Variants in KIF13B observed in about 807,000 individuals in gnomAD.
KIF13B encodes the protein kinesin family member 13B, also known as kinesin-like protein KIF13B.
In KIF13B, 127 loss-of-function variants were observed where a neutral mutation model predicts 222.0. That is an observed-to-expected ratio of 0.57 (90% CI 0.50 to 0.66). KIF13B has a LOEUF of 0.66. KIF13B is among the 30% of genes least tolerant of loss of function. The pLI, the probability that KIF13B is intolerant of heterozygous loss-of-function variation, is 0.00. For synonymous variants in KIF13B, 976 were observed against 919.0 expected (o/e 1.06, Z -1.12); for missense variants, 2,173 against 2,379.0 (o/e 0.91, Z 1.80).
At chr8:29,232,750 CAT>C (rs1334905830) in intron 2 of KIF13B, among the ~76,000 whole-genome samples, 4 of 152,186 alleles carry the variant, frequency 2.6e-5, no homozygotes, top group African/African-American at 9.7e-5. Context: ...CAGGATCCAT[CAT>C]AGATACTTGT....
Position 29,165,651 on chromosome 8 carries a change from G to A in KIF13B, c.1269+11C>T. ...GAGGTTTCATGCGCTTCATCATCAG[G>A]AAACACGAACCTGTGCAATCTCCTC... On this transcript the variant is annotated intron_variant, in intron 12 of 39. Coordinates refer to ENST00000524189, the MANE Select transcript of KIF13B (RefSeq NM_015254.4). 6.4e-7 allele frequency: 1 copy of A among 1,566,588 alleles called. No homozygotes were observed. Among genetic ancestry groups the A allele is most frequent in the South Asian group, 1.1e-5 (1 of 89,974 alleles).
At chr8:29,108,438 C>T (rs918299068) in intron 34 of KIF13B, among the ~76,000 whole-genome samples, 8 of 152,326 alleles carry the variant, frequency 5.3e-5, no homozygotes, top group South Asian at 4.1e-4. Flanking sequence ...GAGGTCACAA[C>T]CGGCTGGACC....
chr8:29,140,841 T>C, intron 19 of KIF13B: 1 of 457,294 alleles, frequency 2.2e-6, no homozygotes, highest in South Asian at 4.2e-5. Context: ...GTGAGCATCC[T>C]CCACCCATGA....
intron 10 of KIF13B, among the ~76,000 whole-genome samples, chr8:29,170,905 C>G (rs1316299056): frequency 6.6e-6 from 1 of 152,002 alleles, no homozygotes; most frequent in East Asian, 1.9e-4. Context: ...TAGTGAGACC[C>G]TGTTTATACA....
In KIF13B at chr8:29,170,648, G is replaced by A. The variant is rs114887086; in HGVS notation, c.946-3063C>T. Among the ~76,000 whole-genome samples the A allele has an allele frequency of 8.0e-3, 1,222 of 152,302 alleles. 7 individuals are homozygous for A. The highest frequency in any genetic ancestry group is 0.013 in the African/African-American group (561 of 41,558). ...GGAAAGCATGTTCCAAGTGGAACAA[G>A]AGTAAAGTCCTAGAGGCAAGACAAC... On this transcript the variant is annotated intron_variant, in intron 10 of 39. Coordinates refer to ENST00000524189, the MANE Select transcript of KIF13B (RefSeq NM_015254.4).
At chr8:29,243,892 T>C (rs1285325157) in intron 2 of KIF13B, among the ~76,000 whole-genome samples, 1 of 152,222 alleles carries the variant, frequency 6.6e-6, no homozygotes, top group African/African-American at 2.4e-5. Flanking sequence ...CTAATTTATT[T>C]GATCTTTGTG....
chr8:29,152,288 G>C (rs1341970783), intron 14 of KIF13B, among the ~76,000 whole-genome samples: 1 of 152,182 alleles, frequency 6.6e-6, no homozygotes, highest in East Asian at 1.9e-4. Flanking sequence ...AGAGGGTTTA[G>C]AATATTCCAG....
chr8:29,143,791 C>T (rs556504275), intron 18 of KIF13B, among the ~76,000 whole-genome samples: 3 of 151,824 alleles, frequency 2.0e-5, no homozygotes, highest in Admixed American at 6.6e-5. Flanking sequence ...TGCAGTGAGC[C>T]GAGATCGCGC....
In KIF13B at chr8:29,142,164, T is replaced by C. The variant is rs779885612; in HGVS notation, c.2327A>G (p.Asp776Gly). 6.2e-7 allele frequency: 1 copy of C among 1,612,944 alleles called. No individual in the cohort carries two copies. The highest frequency in any genetic ancestry group is 1.1e-5 in the South Asian group (1 of 91,020). ...TTCTCTTAAATAACTTACTGGGTTA[T>C]CTTCTTCACACTCTTTCCACTCCTG... ...LYQEWKECEE[D>G]NPVIRSYFKR... The change falls in exon 19 of 40, where the codon GAT (aspartate) becomes GGT (glycine). Residue 776 changes from aspartate to glycine, a missense_variant. Asp to Gly is a moderately conservative substitution (Grantham distance 94, BLOSUM62 -1). Around this residue, in one of 2 missense-constraint regions of KIF13B, gnomAD observed 1,480 missense variants for 1,722.8 expected, o/e 0.86. Coordinates refer to ENST00000524189, the MANE Select transcript of KIF13B (RefSeq NM_015254.4).
intron 2 of KIF13B, among the ~76,000 whole-genome samples, chr8:29,230,952 T>C (rs1028675263): frequency 2.6e-5 from 4 of 152,174 alleles, no homozygotes; most frequent in African/African-American, 9.7e-5. Context: ...CCATCACGGC[T>C]CACTGCAGCC....
intron 1 of KIF13B, 56 bp downstream of exon 1, chr8:29,262,924 G>A: frequency 2.8e-6 from 4 of 1,446,120 alleles, no homozygotes; most frequent in Non-Finnish European, 3.7e-6. Flanking sequence ...CGAGGGAAGG[G>A]CGCGCCAGGC....
At chr8:29,249,108 G>A (rs1816167185) in intron 1 of KIF13B, among the ~76,000 whole-genome samples, 1 of 152,078 alleles carries the variant, frequency 6.6e-6, no homozygotes, top group South Asian at 2.1e-4. Flanking sequence ...GTATGAAACT[G>A]TTTGTTTCCC....
At chr8:29,087,745 G>A (rs1022290418) in intron 37 of KIF13B, among the ~76,000 whole-genome samples, 2 of 152,124 alleles carry the variant, frequency 1.3e-5, no homozygotes, top group South Asian at 2.1e-4. Context: ...GCACCCTGGC[G>A]AGACAACTGT....
chr8:29,078,584 A>G (rs955780205), intron 37 of KIF13B, among the ~76,000 whole-genome samples: 3 of 152,242 alleles, frequency 2.0e-5, no homozygotes, highest in Non-Finnish European at 4.4e-5. Flanking sequence ...AAAACATTTC[A>G]GATCATAAGT....
intron 2 of KIF13B, among the ~76,000 whole-genome samples, chr8:29,221,071 A>AAGCTG (rs1471385222): frequency 6.7e-6 from 1 of 149,532 alleles, no homozygotes; most frequent in Non-Finnish European, 1.5e-5. Context: ...GAGCCCAGGG[A>AAGCTG]AGCTGAGGCT....
chr8:29,231,269 C>T (rs1408652517), intron 2 of KIF13B, among the ~76,000 whole-genome samples: 8 of 152,206 alleles, frequency 5.3e-5, no homozygotes, highest in Non-Finnish European at 1.0e-4. Context: ...CATACGGGTT[C>T]GGCCTGATAA....
intron 1 of KIF13B, among the ~76,000 whole-genome samples, chr8:29,260,623 T>C (rs1296954251): frequency 1.4e-5 from 2 of 147,956 alleles, no homozygotes; most frequent in Non-Finnish European, 3.0e-5. Context: ...GTTTTAGTCT[T>C]TTTTTTTTTT....
intron 38 of KIF13B, among the ~76,000 whole-genome samples, chr8:29,072,690 C>T (rs1263252346): frequency 2.0e-5 from 3 of 152,170 alleles, no homozygotes; most frequent in Non-Finnish European, 2.9e-5. Flanking sequence ...GAGCACTGAC[C>T]ATGGCCACAG....
At chr8:29,192,781 C>A (rs536026204) in intron 3 of KIF13B, among the ~76,000 whole-genome samples, 2 of 151,708 alleles carry the variant, frequency 1.3e-5, no homozygotes, top group African/African-American at 2.4e-5. Flanking sequence ...AAACGACAGG[C>A]GATGGGGGAA....
Sources: allele counts gnomAD v4.1 joint callset (sites outside exome capture counted in the v4.1 genomes callset), GRCh38; gene constraint gnomAD v4.1.1; regional missense constraint gnomAD v4.1.1; transcripts MANE v1.5; gene names NCBI Gene and HGNC (gene_info 2026-07-23, HGNC 2026-07-21).